HERPUD2: variants seen among roughly 807,000 people sequenced by gnomAD.
HERPUD2 encodes the protein HERPUD family member 2, also known as homocysteine-responsive endoplasmic reticulum-resident ubiquitin-like domain member 2 protein.
HERPUD2 carries 13 observed loss-of-function variants against 49.9 expected under a neutral mutation model. The observed-to-expected ratio is 0.26, with a 90% confidence interval of 0.17 to 0.41. The LOEUF (loss-of-function observed/expected upper bound fraction) is 0.41. Ranked by LOEUF, HERPUD2 falls within the 10% of genes least tolerant of loss-of-function variation. The probability of loss-of-function intolerance (pLI) is 1.00; values close to 1 mark genes in which losing one functional copy is unlikely to be tolerated. For missense variants in HERPUD2, 449 were observed against 492.2 expected (o/e 0.91, Z 0.83); for synonymous variants, 172 against 171.4 (o/e 1.00, Z -0.03).
At chr7:35,657,202 G>C (rs1450988125) in intron 5 of HERPUD2, among the ~76,000 whole-genome samples, 1 of 151,942 alleles carries the variant, frequency 6.6e-6, no homozygotes, top group Non-Finnish European at 1.5e-5. Flanking sequence ...GTAAGCAAAG[G>C]ACATGAATAG....
intron 2 of HERPUD2, among the ~76,000 whole-genome samples, chr7:35,674,404 T>TATATATATATATAG (rs1785711309): frequency 1.0e-4 from 4 of 38,126 alleles, no homozygotes; most frequent in Non-Finnish European, 1.8e-4. Context: ...TATATATATA[T>TATATATATATATAG]AGAGAGAGAG....
chr7:35,656,494 G>T (rs1785278309), intron 5 of HERPUD2, among the ~76,000 whole-genome samples: 1 of 151,972 alleles, frequency 6.6e-6, no homozygotes, highest in Non-Finnish European at 1.5e-5. Context: ...CAAAAAAAGA[G>T]CCTGAACAGT....
intron 5 of HERPUD2, among the ~76,000 whole-genome samples, chr7:35,661,130 T>C (rs1316523102): frequency 6.6e-6 from 1 of 152,212 alleles, no homozygotes; most frequent in African/African-American, 2.4e-5. Flanking sequence ...ATTTATAAAA[T>C]AGGGAATCCT....
At chr7:35,691,963 C>A (rs527377589) in intron 2 of HERPUD2, among the ~76,000 whole-genome samples, 1 of 152,268 alleles carries the variant, frequency 6.6e-6, no homozygotes, top group Non-Finnish European at 1.5e-5. Context: ...CACACATACC[C>A]CCACCGCTCC....
At chr7:35,650,150 C>CA (rs1210013292) in intron 5 of HERPUD2, among the ~76,000 whole-genome samples, 1 of 152,032 alleles carries the variant, frequency 6.6e-6, no homozygotes, top group Non-Finnish European at 1.5e-5. Context: ...AAAAAAAGAA[C>CA]AAAAATACTA....
intron 2 of HERPUD2, among the ~76,000 whole-genome samples, chr7:35,693,731 G>A (rs1786245532): frequency 3.3e-5 from 5 of 152,088 alleles, no homozygotes; most frequent in African/African-American, 7.2e-5. Context: ...TCCGCCTCCC[G>A]GGTTCAAGCG....
chr7:35,654,374 A>C (rs1785231019), intron 5 of HERPUD2, among the ~76,000 whole-genome samples: 1 of 151,934 alleles, frequency 6.6e-6, no homozygotes, highest in South Asian at 2.1e-4. Flanking sequence ...CTTACAACTG[A>C]TACCACAGAA....
Position 35,635,209 on chromosome 7 carries a change from G to T in HERPUD2, c.867C>A (p.Leu289=). 1 of 1,614,156 alleles carries T rather than the reference G, an allele frequency of 6.2e-7. No homozygotes were observed. Among genetic ancestry groups the T allele is most frequent in the East Asian group, 2.2e-5 (1 of 44,890 alleles). The change falls in exon 7 of 9, where the codon CTC becomes CTA. Residue 289 remains leucine (L), a synonymous_variant. Transcript: ENST00000311350. ...WMYTFSRAAI[L]LSIVYFYSSF... The stretch of plus-strand genomic sequence containing the variant: ...AAGAATAGAAGTATACAATGCTAAG[G>T]AGAATCGCAGCTCGTGAGAACGTGT...
chr7:35,686,763 C>T (rs1786063713), intron 2 of HERPUD2, among the ~76,000 whole-genome samples: 1 of 100,654 alleles, frequency 9.9e-6, no homozygotes, highest in African/African-American at 3.8e-5. Context: ...CATTTCCAGG[C>T]CAGGGGTGGT....
chr7:35,666,571 AC>A (rs1296134135), intron 5 of HERPUD2, among the ~76,000 whole-genome samples: 1 of 152,342 alleles, frequency 6.6e-6, no homozygotes, highest in Admixed American at 6.5e-5. Flanking sequence ...TTGATACGCA[AC>A]ACAGAAATTA....
intron 2 of HERPUD2, among the ~76,000 whole-genome samples, chr7:35,684,345 G>A (rs1444412847): frequency 6.6e-6 from 1 of 151,408 alleles, no homozygotes; most frequent in Non-Finnish European, 1.5e-5. Flanking sequence ...GGCCGAGATC[G>A]CACCACTGCA....
At chr7:35,639,710 T>C (rs1218114662) in intron 5 of HERPUD2, among the ~76,000 whole-genome samples, 1 of 152,218 alleles carries the variant, frequency 6.6e-6, no homozygotes, top group Admixed American at 6.5e-5. Flanking sequence ...AATTTTATAT[T>C]CTAAAGACTG....
chr7:35,654,272 C>G (rs1309713430), intron 5 of HERPUD2, among the ~76,000 whole-genome samples: 1 of 151,160 alleles, frequency 6.6e-6, no homozygotes, highest in Admixed American at 6.6e-5. Flanking sequence ...AAAAACTTGG[C>G]TTTTTGAAAA....
chr7:35,687,965 T>C (rs1335097633), intron 2 of HERPUD2, among the ~76,000 whole-genome samples: 1 of 152,206 alleles, frequency 6.6e-6, no homozygotes, highest in African/African-American at 2.4e-5. Flanking sequence ...TCAAATTTCA[T>C]ATGCTAATTT....
chr7:35,678,279 T>C (rs951029435), intron 2 of HERPUD2, among the ~76,000 whole-genome samples: 2 of 151,930 alleles, frequency 1.3e-5, no homozygotes, highest in African/African-American at 4.8e-5. Flanking sequence ...ATTAGAACTT[T>C]CAAGTCTCAG....
At chr7:35,652,100 G>C (rs2115883506) in intron 5 of HERPUD2, among the ~76,000 whole-genome samples, 1 of 152,154 alleles carries the variant, frequency 6.6e-6, no homozygotes, top group East Asian at 1.9e-4. Flanking sequence ...ATTTTTATAA[G>C]TAACTAAAAT....
intron 2 of HERPUD2, among the ~76,000 whole-genome samples, chr7:35,675,080 GA>G (rs1785731208): frequency 6.6e-6 from 1 of 152,206 alleles, no homozygotes; most frequent in African/African-American, 2.4e-5. Flanking sequence ...GACCACATAT[GA>G]AGGGGGGCAG....
At chr7:35,677,440 A>G (rs1157459090) in intron 2 of HERPUD2, among the ~76,000 whole-genome samples, 2 of 152,154 alleles carry the variant, frequency 1.3e-5, no homozygotes, top group African/African-American at 4.8e-5. Flanking sequence ...ATTTATCTCT[A>G]TATTTCCCCA....
chr7:35,670,201 C>G lies in HERPUD2; in HGVS notation c.339+14G>C. ...AAGAAAAGTTCAATGTTTACTCCTC[C>G]CAAAACAACTCACAGAATTGCTGCT... On this transcript the variant is annotated intron_variant, in intron 4 of 8. Transcript: ENST00000311350. The G allele has an allele frequency of 2.2e-6, 3 of 1,389,968 alleles. No individual in the cohort carries two copies. The highest frequency in any genetic ancestry group is 3.0e-6 in the Non-Finnish European group (3 of 1,006,882). 86.1% of individuals were successfully genotyped at this position (1,389,968 alleles called of 1,614,324 possible).
Sources: gnomAD v4.1 joint callset for allele counts (sites outside exome capture counted in the v4.1 genomes callset) on GRCh38, gnomAD v4.1.1 for gene constraint, MANE v1.5 for transcripts, NCBI Gene and HGNC (gene_info 2026-07-23, HGNC 2026-07-21) for gene names.